IREB2: variants seen among roughly 807,000 people sequenced by gnomAD.
IREB2 encodes the protein iron responsive element binding protein 2.
A neutral mutation model predicts 118.8 loss-of-function variants in IREB2; 39 were observed. The observed-to-expected ratio is 0.33, with a 90% CI of 0.25 to 0.43. The LOEUF is 0.43. Ranked by LOEUF, IREB2 falls within the 20% of genes least tolerant of loss-of-function variation. The probability of loss-of-function intolerance (pLI) is 1.00; values close to 1 mark genes in which losing one functional copy is unlikely to be tolerated. For synonymous variants in IREB2, 372 were observed against 392.2 expected, an observed-to-expected ratio of 0.95 and a Z score of 0.61; for missense variants, 900 against 1,147.3, an observed-to-expected ratio of 0.78 and a Z score of 3.11.
rs944348886 is a variant in IREB2, at chr15:78,489,514, T to A, written c.2076+743T>A. 4.6e-5 allele frequency among the ~76,000 whole-genome samples: 7 copies of A among 152,160 alleles called. No homozygotes were observed. In the East Asian group the frequency reaches 7.7e-4, roughly 17 times the overall value. On this transcript the variant is annotated intron_variant, in intron 16 of 21. Transcript: ENST00000258886. ...TGCAATATTTATTATTTTTTATTATTTATTTTTTGGTGTTTTTTGGGAGAT... is the reference window on the plus strand; with the variant it reads ...TGCAATATTTATTATTTTTTATTATATATTTTTTGGTGTTTTTTGGGAGAT...
chr15:78,449,135 A>G (rs1207891975), intron 2 of IREB2, among the ~76,000 whole-genome samples: 2 of 152,198 alleles, frequency 1.3e-5, no homozygotes, highest in Non-Finnish European at 2.9e-5. Context: ...TCTTAAACTC[A>G]TATCTTCTGA....
intron 8 of IREB2, chr15:78,475,682 C>CAA (rs531095579): frequency 1.4e-4 from 20 of 139,178 alleles, no homozygotes; most frequent in African/African-American, 2.6e-4. Flanking sequence ...CCTGTCTCTA[C>CAA]AAAAAAAAAA....
intron 5 of IREB2, among the ~76,000 whole-genome samples, chr15:78,470,115 C>T (rs527762200): frequency 1.6e-4 from 24 of 152,262 alleles, no homozygotes; most frequent in Non-Finnish European, 2.4e-4. Flanking sequence ...AGATGTTGTT[C>T]GTCAATGCTG....
intron 2 of IREB2, among the ~76,000 whole-genome samples, chr15:78,454,933 T>C (rs1435037216): frequency 6.6e-6 from 1 of 152,194 alleles, no homozygotes; most frequent in Non-Finnish European, 1.5e-5. Flanking sequence ...CAAGTGATCC[T>C]CTTACCTTGG....
intron 5 of IREB2, among the ~76,000 whole-genome samples, chr15:78,469,279 G>A (rs1483122079): frequency 6.6e-6 from 1 of 152,128 alleles, no homozygotes; most frequent in African/African-American, 2.4e-5. Context: ...ATGGCACTTT[G>A]TAGCCATAAG....
intron 7 of IREB2, among the ~76,000 whole-genome samples, chr15:78,472,903 CTTG>C (rs1276160556): frequency 6.6e-6 from 1 of 152,092 alleles, no homozygotes; most frequent in African/African-American, 2.4e-5. Context: ...TTAGACTGAA[CTTG>C]TTGAGGTTGG....
rs377188483 is a variant in IREB2, at chr15:78,473,448, A to G, written c.1023+67A>G. 454 of 1,396,106 alleles carry G rather than the reference A, an allele frequency of 3.3e-4. 2 individuals carry two copies. Among genetic ancestry groups the G allele is most frequent in the Admixed American group, 1.1e-3 (60 of 53,030 alleles). 86.5% of individuals were successfully genotyped at this position (1,396,106 alleles called of 1,614,324 possible). A position where few individuals can be genotyped will look rare whatever the true frequency, so the allele number is the denominator to read the frequency against. On this transcript the variant is annotated intron_variant, in intron 8 of 21. Transcript: ENST00000258886. ...ATTTTTATAAAAATTGAAGAGCTCTATGAGAGCAGGGATTTGGGTTCATTA... is the reference window on the plus strand; with the variant it reads ...ATTTTTATAAAAATTGAAGAGCTCTGTGAGAGCAGGGATTTGGGTTCATTA...
At chr15:78,484,354 A>G (rs559519707) in intron 11 of IREB2, among the ~76,000 whole-genome samples, 1 of 152,286 alleles carries the variant, frequency 6.6e-6, no homozygotes, top group East Asian at 1.9e-4. Context: ...CTCATAGCCA[A>G]TCTTGTTTCA....
At position 78,488,194 on chromosome 15, in the gene IREB2, C is replaced by A; in HGVS notation, c.1809C>A (p.Thr603=). 6.2e-7 allele frequency: 1 copy of A among 1,604,388 alleles called. No homozygotes were observed. The highest frequency in any genetic ancestry group is 8.5e-7 in the Non-Finnish European group (1 of 1,176,870). The part of the protein sequence containing the change: ...LNAVKQGDLV[T]CGILSGNKNF... The stretch of plus-strand genomic sequence containing the variant: ...GTTTTTTTCAGGGTGATTTGGTTAC[C>A]TGTGGAATTTTATCTGGAAACAAAA... Residue 603 remains threonine (T), a synonymous_variant, in exon 15 of 22, where the codon ACC becomes ACA. Coordinates refer to ENST00000258886, the MANE Select transcript of IREB2 (RefSeq NM_004136.4).
At chr15:78,452,616 T>C (rs191642202) in intron 2 of IREB2, among the ~76,000 whole-genome samples, 1 of 152,194 alleles carries the variant, frequency 6.6e-6, no homozygotes, top group East Asian at 1.9e-4. Flanking sequence ...TGTTAAGAAC[T>C]ATAAAGGAGG....
At chr15:78,440,116 C>T (rs1172171050) in intron 2 of IREB2, among the ~76,000 whole-genome samples, 1 of 152,102 alleles carries the variant, frequency 6.6e-6, no homozygotes, top group Non-Finnish European at 1.5e-5. Context: ...CTAGTTTTTC[C>T]CCTCAAAGAA....
chr15:78,448,986 C>A (rs901759725), intron 2 of IREB2, among the ~76,000 whole-genome samples: 3 of 152,090 alleles, frequency 2.0e-5, no homozygotes, highest in Non-Finnish European at 2.9e-5. Context: ...ATATCAAAAC[C>A]CTTTTACTTC....
intron 20 of IREB2, among the ~76,000 whole-genome samples, chr15:78,496,581 T>C (rs1463317219): frequency 6.6e-6 from 1 of 151,996 alleles, no homozygotes; most frequent in Non-Finnish European, 1.5e-5. Flanking sequence ...TCTTGTTACT[T>C]TTTATTGTAT....
Position 78,498,274 on chromosome 15 carries a change from T to C in IREB2, c.*131T>C, listed in dbSNP as rs924240044. 6 of 550,556 alleles carry C rather than the reference T, an allele frequency of 1.1e-5. No homozygotes were observed. The highest frequency in any genetic ancestry group is 3.9e-5 in the African/African-American group (2 of 51,628). The allele number at this position is 550,556 out of a possible 1,614,324, so 34.1% of individuals were successfully genotyped here. ...TTATCTCATCCATGGATGTAAATGA[T>C]GATGAATCAACATAGTAACTGAAAT... is the stretch of plus-strand genomic sequence containing the variant. On this transcript the variant is annotated 3_prime_UTR_variant, in exon 22 of 22. Coordinates refer to ENST00000258886, the MANE Select transcript of IREB2 (RefSeq NM_004136.4).
intron 9 of IREB2, 45 bp downstream of exon 9, chr15:78,476,404 A>G (rs765731191): frequency 1.5e-4 from 196 of 1,317,492 alleles, no homozygotes; most frequent in Non-Finnish European, 1.9e-4. Context: ...TACATTTCCA[A>G]TGTGTTTGAT....
chr15:78,463,097 G>A lies in IREB2; in HGVS notation c.272+10G>A. ...TTCTTCAAGATTTTACGTGAGTAAT[G>A]GGTTTATTTTTTGTGAATGAACTCT... is the stretch of plus-strand genomic sequence containing the variant. On this transcript the variant is annotated intron_variant, in intron 3 of 21. Transcript: ENST00000258886. The A allele has an allele frequency of 1.3e-6, 2 of 1,581,020 alleles. No individual in the cohort carries two copies. The highest frequency in any genetic ancestry group is 8.6e-7 in the Non-Finnish European group (1 of 1,166,304).
intron 16 of IREB2, among the ~76,000 whole-genome samples, chr15:78,489,178 C>T (rs1448983577): frequency 6.6e-6 from 1 of 151,166 alleles, no homozygotes; most frequent in African/African-American, 2.4e-5. Context: ...TCCGAGATCG[C>T]GCCACTGCAC....
At chr15:78,482,431 T>A (rs2051590316) in intron 10 of IREB2, among the ~76,000 whole-genome samples, 1 of 152,120 alleles carries the variant, frequency 6.6e-6, no homozygotes, top group Non-Finnish European at 1.5e-5. Context: ...TAACAAAAAA[T>A]ACGTTTCTTA....
At position 78,498,280 on chromosome 15, in the gene IREB2, A is replaced by G. The variant is rs1164678957; in HGVS notation, c.*137A>G. 1.9e-6 allele frequency: 1 copy of G among 534,616 alleles called. No individual in the cohort carries two copies. The highest frequency in any genetic ancestry group is 3.4e-6 in the Non-Finnish European group (1 of 296,936). 33.1% of individuals were successfully genotyped at this position (534,616 alleles called of 1,614,324 possible). On this transcript the variant is annotated 3_prime_UTR_variant, in exon 22 of 22. Coordinates refer to ENST00000258886, the MANE Select transcript of IREB2 (RefSeq NM_004136.4). Reference sequence around the variant, plus strand: ...CATCCATGGATGTAAATGATGATGAATCAACATAGTAACTGAAATGAAATC... The same window carrying G: ...CATCCATGGATGTAAATGATGATGAGTCAACATAGTAACTGAAATGAAATC...
Sources: allele counts gnomAD v4.1 joint callset (sites outside exome capture counted in the v4.1 genomes callset), GRCh38; gene constraint gnomAD v4.1.1; transcripts MANE v1.5; gene names NCBI Gene and HGNC (gene_info 2026-07-23, HGNC 2026-07-21).